The following KSR2 variants were observed in gnomAD, a reference collection of about 807,000 sequenced individuals.
KSR2 encodes kinase suppressor of ras 2.
In KSR2, 25 loss-of-function variants were observed where a neutral mutation model predicts 107.8. The ratio of observed to expected loss-of-function variants is 0.23; its 90% CI spans 0.17 to 0.32. The LOEUF (loss-of-function observed/expected upper bound fraction) is 0.32. Ranked by LOEUF, KSR2 falls within the 10% of genes least tolerant of loss-of-function variation. The probability of loss-of-function intolerance (pLI) is 1.00; values close to 1 mark genes in which losing one functional copy is unlikely to be tolerated. For synonymous variants in KSR2, 480 were observed against 507.0 expected (o/e 0.95, Z 0.71); for missense variants, 887 against 1,268.9 (o/e 0.70, Z 4.57).
chr12:117,845,210 C>T (rs966969153), intron 3 of KSR2, among the ~76,000 whole-genome samples: 1 of 152,108 alleles, frequency 6.6e-6, no homozygotes, highest in Non-Finnish European at 1.5e-5. Context: ...CCCTTTTGCT[C>T]GATAACAATG....
chr12:117,964,913 C>T (rs1346655042), intron 1 of KSR2, among the ~76,000 whole-genome samples: 1 of 152,200 alleles, frequency 6.6e-6, no homozygotes, highest in African/African-American at 2.4e-5. Flanking sequence ...CCATCGCTGG[C>T]TGTCCACTTA....
chr12:117,847,454 G>A (rs1304881809), intron 3 of KSR2, among the ~76,000 whole-genome samples: 25 of 152,182 alleles, frequency 1.6e-4, no homozygotes, highest in African/African-American at 5.3e-4. Context: ...AAGCTCCCAG[G>A]AGGTTGCAGG....
intron 1 of KSR2, among the ~76,000 whole-genome samples, chr12:117,946,549 A>G (rs1439084922): frequency 6.6e-6 from 1 of 152,198 alleles, no homozygotes; most frequent in Admixed American, 6.5e-5. Flanking sequence ...ACACTACATG[A>G]ATAATCCTAA....
At chr12:117,814,790 T>C (rs1244009159) in intron 3 of KSR2, among the ~76,000 whole-genome samples, 1 of 152,140 alleles carries the variant, frequency 6.6e-6, no homozygotes. Flanking sequence ...GAACCATCTG[T>C]ACTTGAATCA....
intron 10 of KSR2, among the ~76,000 whole-genome samples, chr12:117,533,364 GT>G (rs1228171337): frequency 3.3e-5 from 5 of 152,216 alleles, no homozygotes; most frequent in African/African-American, 1.2e-4. Context: ...GCACCAGTCA[GT>G]GTGCAACACA....
At chr12:117,654,198 T>C (rs112316384) in intron 5 of KSR2, among the ~76,000 whole-genome samples, 12,478 of 152,210 alleles carry the variant, frequency 0.082, 696 homozygotes, top group African/African-American at 0.14. Flanking sequence ...TTCTGACCCA[T>C]GTAGCCATAA....
chr12:117,793,186 GTGCACACATACACACCAACA>G (rs1566017392), intron 3 of KSR2, among the ~76,000 whole-genome samples: 1 of 119,454 alleles, frequency 8.4e-6, no homozygotes, highest in East Asian at 2.8e-4. Flanking sequence ...ACACACCAAT[GTGCACACATACACACCAACA>G]TGCACACACC....
At position 117,460,601 on chromosome 12, in the gene KSR2, CA is replaced by C. The variant is rs1870842189; in HGVS notation, c.*6597del. 6.6e-6 allele frequency: 1 copy of C among 152,376 alleles called. No homozygotes were observed. The highest frequency in any genetic ancestry group is 2.4e-5 in the African/African-American group (1 of 41,452). The allele number at this position is 152,376 out of a possible 1,614,324, so 9.4% of individuals were successfully genotyped here. On this transcript the variant is annotated 3_prime_UTR_variant, in exon 20 of 20. Transcript: ENST00000339824. ...GCCAGCCCCTGCACCCTCCCTTCCACAACTTCCTGCTTTTCCTCTCTCTCTT... is the reference window on the plus strand; with the variant it reads ...GCCAGCCCCTGCACCCTCCCTTCCACACTTCCTGCTTTTCCTCTCTCTCTT...
At chr12:117,638,193 T>C (rs911829007) in intron 5 of KSR2, among the ~76,000 whole-genome samples, 3 of 152,264 alleles carry the variant, frequency 2.0e-5, no homozygotes, top group East Asian at 1.9e-4. Flanking sequence ...TTATATATTA[T>C]GCTGCTCTCT....
intron 3 of KSR2, among the ~76,000 whole-genome samples, chr12:117,774,736 T>G (rs998378920): frequency 2.6e-5 from 4 of 152,204 alleles, no homozygotes; most frequent in African/African-American, 9.6e-5. Flanking sequence ...TTCTCAATGT[T>G]GTGTAACCGC....
chr12:117,619,661 T>A, intron 5 of KSR2, among the ~76,000 whole-genome samples: 1 of 150,512 alleles, frequency 6.6e-6, no homozygotes, highest in Middle Eastern at 3.2e-3. Context: ...TATTAGTATT[T>A]TTAACATTAA....
intron 14 of KSR2, among the ~76,000 whole-genome samples, chr12:117,515,696 C>T (rs1269635131): frequency 2.0e-5 from 3 of 152,138 alleles, no homozygotes; most frequent in East Asian, 1.9e-4. Context: ...GAGGCTGAGG[C>T]GGGCAGATCA....
At chr12:117,939,052 G>T (rs76564243) in intron 1 of KSR2, among the ~76,000 whole-genome samples, 4 of 151,734 alleles carry the variant, frequency 2.6e-5, no homozygotes, top group Non-Finnish European at 4.4e-5. Flanking sequence ...TGAAGACAGC[G>T]TGTAAGAATA....
chr12:117,717,695 GTGTGTGTGTGTGTGTGTGCA>G (rs1887044987), intron 4 of KSR2, among the ~76,000 whole-genome samples: 1 of 149,378 alleles, frequency 6.7e-6, no homozygotes. Context: ...GTGTGTGTGT[GTGTGTGTGTGTGTGTGTGCA>G]TGCGCGCGCG....
At chr12:117,685,174 C>T (rs965448471) in intron 4 of KSR2, among the ~76,000 whole-genome samples, 2 of 152,218 alleles carry the variant, frequency 1.3e-5, no homozygotes, top group African/African-American at 4.8e-5. Context: ...AGACAGCGAC[C>T]CGGACTTTGC....
chr12:117,820,673 C>T (rs1216580390), intron 3 of KSR2, among the ~76,000 whole-genome samples: 1 of 152,104 alleles, frequency 6.6e-6, no homozygotes, highest in Non-Finnish European at 1.5e-5. Context: ...CAAAGAACCT[C>T]CCTCCTTCCC....
intron 7 of KSR2, among the ~76,000 whole-genome samples, chr12:117,571,979 C>T (rs914498697): frequency 1.3e-5 from 2 of 152,112 alleles, no homozygotes; most frequent in African/African-American, 2.4e-5. Flanking sequence ...CCTCCCACCC[C>T]CATCCTATCC....
intron 4 of KSR2, among the ~76,000 whole-genome samples, chr12:117,733,743 T>A (rs1413750740): frequency 6.6e-6 from 1 of 152,130 alleles, no homozygotes; most frequent in Non-Finnish European, 1.5e-5. Flanking sequence ...CCCTTTCCCC[T>A]CTGAATTATA....
chr12:117,632,218 CTTTTTTTTTTTTT>C (rs544594793), intron 5 of KSR2, among the ~76,000 whole-genome samples: 1 of 84,028 alleles, frequency 1.2e-5, no homozygotes. Flanking sequence ...AGTCCTACTC[CTTTTTTTTTTTTT>C]TTTTTTTTTT....
Sources: allele counts gnomAD v4.1 joint callset (sites outside exome capture counted in the v4.1 genomes callset), GRCh38; gene constraint gnomAD v4.1.1; transcripts MANE v1.5; gene names NCBI Gene and HGNC (gene_info 2026-07-23, HGNC 2026-07-21).